IL15RA: variants seen among roughly 807,000 people sequenced by gnomAD.
IL15RA encodes interleukin 15 receptor subunit alpha, also known as interleukin-15 receptor subunit alpha.
Under a neutral mutation model 24.2 loss-of-function variants are expected in IL15RA, and 26 were observed. The ratio of observed to expected loss-of-function variants is 1.07; its 90% CI spans 0.79 to 1.49. IL15RA has a LOEUF of 1.49. Among genes scored for constraint, IL15RA ranks in the 40% most tolerant of loss-of-function variants. The pLI is 0.00. For synonymous variants in IL15RA, 166 were observed against 157.6 expected (o/e 1.05, Z -0.40); for missense variants, 354 against 356.4 (o/e 0.99, Z 0.05).
At position 5,958,320 on chromosome 10, in the gene IL15RA, CT is replaced by C. The variant is rs563108631; in HGVS notation, c.616+1433del. ...TTATACAGTCTCTCTGGAAGGATGC[CT>C]GGAAATCTGGTAGCAAGTGTTGCTT... On this transcript the variant is annotated intron_variant, in intron 5 of 6. Coordinates refer to ENST00000379977, the MANE Select transcript of IL15RA (RefSeq NM_002189.4). This position sits in a 1 kb window ranked among gnomAD's most constrained non-coding sequence, Gnocchi z 4.3. The C allele has an allele frequency of 2.6e-5, 12 of 453,580 alleles. No individual in the cohort carries two copies. The East Asian group carries it at 8.4e-4, about 32-fold the overall frequency. The allele number at this position is 453,580 out of a possible 1,614,324, so 28.1% of individuals were successfully genotyped here. A position where few individuals can be genotyped will look rare whatever the true frequency, so the allele number is the denominator to read the frequency against.
Position 5,962,696 on chromosome 10 carries a change from C to T in IL15RA, c.382+1047G>A, listed in dbSNP as rs923053727. ...AGGTGATGTCAGTGTGTACCCACGG[C>T]TGACAACTGACACTCCGCAAAGGAT... On this transcript the variant is annotated intron_variant, in intron 3 of 6. Transcript: ENST00000379977. The surrounding 1 kb of genome is among the most constrained non-coding windows in gnomAD (Gnocchi z 5.2). 7.2e-5 allele frequency among the ~76,000 whole-genome samples: 11 copies of T among 151,990 alleles called. No individual in the cohort carries two copies. Among genetic ancestry groups the T allele is most frequent in the African/African-American group, 1.7e-4 (7 of 41,356 alleles).
chr10:5,976,647 C>T (rs1040181008), intron 1 of IL15RA, among the ~76,000 whole-genome samples: 4 of 152,060 alleles, frequency 2.6e-5, no homozygotes, highest in Non-Finnish European at 4.4e-5. Context: ...CTCTGGCTGC[C>T]GGGACAAAAC....
chr10:5,970,019 T>A lies in IL15RA; in HGVS notation c.89-3680A>T, dbSNP rs140368130. 2.6e-3 allele frequency among the ~76,000 whole-genome samples: 395 copies of A among 152,344 alleles called. 3 individuals are homozygous for A. The highest frequency in any genetic ancestry group is 9.2e-3 in the African/African-American group (383 of 41,574). ...ATTTTTTGGTGTCTTGACTCTGTATTCTGCACCCTTGTAAACTCACTTATT... is the reference window on the plus strand; with the variant it reads ...ATTTTTTGGTGTCTTGACTCTGTATACTGCACCCTTGTAAACTCACTTATT... On this transcript the variant is annotated intron_variant, in intron 1 of 6. Coordinates refer to ENST00000379977, the MANE Select transcript of IL15RA (RefSeq NM_002189.4). The surrounding 1 kb of genome is among the most constrained non-coding windows in gnomAD (Gnocchi z 4.1).
Position 5,956,462 on chromosome 10 carries a change from G to A in IL15RA, c.617-8C>T, listed in dbSNP as rs774028981. The stretch of plus-strand genomic sequence containing the variant: ...TGGACGTGGAGATAGCCACTGAAAG[G>A]GAGGAGACCACGCTGAGATACCCAG... On this transcript the variant is annotated splice_polypyrimidine_tract_variant and splice_region_variant and intron_variant, in intron 5 of 6. Transcript: ENST00000379977. 19 of 1,609,050 alleles carry A rather than the reference G, an allele frequency of 1.2e-5. No homozygotes were observed. The highest frequency in any genetic ancestry group is 1.7e-4 in the Middle Eastern group (1 of 6,044).
In IL15RA at chr10:5,975,076, C is replaced by T. The variant is rs535014401; in HGVS notation, c.88+2329G>A. Among the ~76,000 whole-genome samples the T allele has an allele frequency of 1.3e-5, 2 of 151,766 alleles. No homozygotes were observed. Among genetic ancestry groups the T allele is most frequent in the South Asian group, 4.2e-4 (2 of 4,814 alleles). On this transcript the variant is annotated intron_variant, in intron 1 of 6. Transcript: ENST00000379977. This position sits in a 1 kb window ranked among gnomAD's most constrained non-coding sequence, Gnocchi z 4.8. ...TATAACACAGCCACTCTACTCCCAA[C>T]CATTCTCTACCCATGAGAAATGAAA...
At position 5,960,627 on chromosome 10, in the gene IL15RA, C is replaced by CTT. The variant is rs1248077220; in HGVS notation, c.383-61_383-60insAA. On this transcript the variant is annotated intron_variant, in intron 3 of 6. Coordinates refer to ENST00000379977, the MANE Select transcript of IL15RA (RefSeq NM_002189.4). The surrounding 1 kb of genome is among the most constrained non-coding windows in gnomAD (Gnocchi z 5.1). ...GTGCAGACTCCCCTCCTCTCAGCTG[C>CTT]AGCACGGGGTGATGTGGGAGCTGCC... 2.1e-6 allele frequency: 3 copies of CTT among 1,439,088 alleles called. No homozygotes were observed. The highest frequency in any genetic ancestry group is 2.9e-6 in the Non-Finnish European group (3 of 1,033,396). 89.1% of individuals were successfully genotyped at this position (1,439,088 alleles called of 1,614,324 possible).
intron 1 of IL15RA, 78 bp downstream of exon 1, chr10:5,977,327 G>C: frequency 6.0e-6 from 4 of 670,080 alleles, no homozygotes; most frequent in Non-Finnish European, 8.5e-6. Flanking sequence ...GGGGAGATGG[G>C]GCGCCCGGTT....
At position 5,967,068 on chromosome 10, in the gene IL15RA, G is replaced by A. The variant is rs1241652187; in HGVS notation, c.89-729C>T. ...CAGGCCCTGAATTTCTATTCTAATA[G>A]TTTTTAACTGGATCAAATTCTCCCA... On this transcript the variant is annotated intron_variant, in intron 1 of 6. Coordinates refer to ENST00000379977, the MANE Select transcript of IL15RA (RefSeq NM_002189.4). This position sits in a 1 kb window ranked among gnomAD's most constrained non-coding sequence, Gnocchi z 4.4. 6.6e-6 allele frequency among the ~76,000 whole-genome samples: 1 copy of A among 152,034 alleles called. No individual in the cohort carries two copies. The highest frequency in any genetic ancestry group is 1.5e-5 in the Non-Finnish European group (1 of 68,016).
chr10:5,968,957 C>G lies in IL15RA; in HGVS notation c.89-2618G>C, dbSNP rs1356501844. On this transcript the variant is annotated intron_variant, in intron 1 of 6. Coordinates refer to ENST00000379977, the MANE Select transcript of IL15RA (RefSeq NM_002189.4). The surrounding 1 kb of genome is among the most constrained non-coding windows in gnomAD (Gnocchi z 5.4). ...TAACAGGTTTTGTACAGGAAGTGTT[C>G]CCTGCCCATTTCCAGCAGCCGTGGA... is the stretch of plus-strand genomic sequence containing the variant. The G allele has an allele frequency of 1.3e-6, 2 of 1,535,050 alleles. No individual in the cohort carries two copies. The highest frequency in any genetic ancestry group is 1.7e-6 in the Non-Finnish European group (2 of 1,146,400).
chr10:5,976,421 G>A (rs1025613644), intron 1 of IL15RA, among the ~76,000 whole-genome samples: 3 of 152,170 alleles, frequency 2.0e-5, no homozygotes, highest in Admixed American at 2.0e-4. Flanking sequence ...ACAGATCATG[G>A]CGTTACTAAT....
Position 5,960,351 on chromosome 10 carries a change from C to CA in IL15RA, c.583+15dup. On this transcript the variant is annotated intron_variant, in intron 4 of 6. Transcript: ENST00000379977. The surrounding 1 kb of genome is among the most constrained non-coding windows in gnomAD (Gnocchi z 5.1). ...AATGGGGAACTGACCTCTCCTGGGG[C>CA]AAAGCGAGTGCTAACCTGGCGGCTG... 3.1e-6 allele frequency: 5 copies of CA among 1,613,004 alleles called. No individual in the cohort carries two copies. The highest frequency in any genetic ancestry group is 3.4e-6 in the Non-Finnish European group (4 of 1,179,058).
chr10:5,951,957 G>C (rs1833907416), downstream of IL15RA, among the ~76,000 whole-genome samples: 1 of 152,196 alleles, frequency 6.6e-6, no homozygotes, highest in Non-Finnish European at 1.5e-5. Context: ...ACTGCGCCCA[G>C]TGTCCCAGCT....
In IL15RA at chr10:5,960,567, T is replaced by A. The variant is rs1195721188; in HGVS notation, c.383A>T (p.Glu128Val). Residue 128 changes from glutamate to valine, a missense_variant and splice_region_variant, in exon 4 of 7, where the codon GAG (glutamate) becomes GTG (valine). By Grantham distance (121) the Glu-to-Val change is moderately radical. Coordinates refer to ENST00000379977, the MANE Select transcript of IL15RA (RefSeq NM_002189.4). This position sits in a 1 kb window ranked among gnomAD's most constrained non-coding sequence, Gnocchi z 5.1. ...QPESLSPSGK[E>V]PAASSPSSNN... ...TGAGCTGGGAGATGAAGCTGCGGGC[T>A]CTGTAGGAGAGTCCAAGGCAGGGAC... is the stretch of plus-strand genomic sequence containing the variant. 2 of 1,613,668 alleles carry A rather than the reference T, an allele frequency of 1.2e-6. No individual in the cohort carries two copies. The highest frequency in any genetic ancestry group is 1.1e-5 in the South Asian group (1 of 91,032).
chr10:5,956,107 C>T (rs1461244650), intron 6 of IL15RA, among the ~76,000 whole-genome samples: 13 of 152,004 alleles, frequency 8.6e-5, no homozygotes, highest in South Asian at 2.1e-4. Flanking sequence ...CTCCGCCTCC[C>T]GGGTTCAAGC....
In IL15RA at chr10:5,955,126, T is replaced by C. The variant is rs1210759385; in HGVS notation, c.692+1253A>G. Among the ~76,000 whole-genome samples the C allele has an allele frequency of 6.7e-6, 1 of 148,714 alleles. No individual in the cohort carries two copies. The highest frequency in any genetic ancestry group is 2.0e-4 in the East Asian group (1 of 5,084). On this transcript the variant is annotated intron_variant, in intron 6 of 6. Coordinates refer to ENST00000379977, the MANE Select transcript of IL15RA (RefSeq NM_002189.4). This position sits in a 1 kb window ranked among gnomAD's most constrained non-coding sequence, Gnocchi z 5.3. ...ATTTTTTTTTTTTTTTGAGATGGAG[T>C]TTTGCTCTTGTTGCCCAGGCTGGAG...
At chr10:5,969,644 G>T (rs1837262662) in intron 1 of IL15RA, among the ~76,000 whole-genome samples, 1 of 152,134 alleles carries the variant, frequency 6.6e-6, no homozygotes, top group Non-Finnish European at 1.5e-5. Flanking sequence ...GATTACAGGC[G>T]TGAGCCACCC....
rs1834948029 is a variant in IL15RA at position 5,958,639 on chromosome 10, GGCCTCCCAAACT to G, written c.616+1103_616+1114del. On this transcript the variant is annotated intron_variant, in intron 5 of 6. Transcript: ENST00000379977. This position sits in a 1 kb window ranked among gnomAD's most constrained non-coding sequence, Gnocchi z 4.3. ...TGGCCTCCAGTGATCAGCCCCCCTCGGCCTCCCAAACTGCTGGGATTATAGGTGTGAGCTACC... is the reference window on the plus strand; with the variant it reads ...TGGCCTCCAGTGATCAGCCCCCCTCGGCTGGGATTATAGGTGTGAGCTACC... 6.6e-6 allele frequency among the ~76,000 whole-genome samples: 1 copy of G among 152,090 alleles called. No homozygotes were observed. The highest frequency in any genetic ancestry group is 1.5e-5 in the Non-Finnish European group (1 of 68,022).
At position 5,953,334 on chromosome 10, in the gene IL15RA, G is replaced by T; in HGVS notation, c.693-128C>A. 1 of 743,688 alleles carries T rather than the reference G, an allele frequency of 1.3e-6. No individual in the cohort carries two copies. Among genetic ancestry groups the T allele is most frequent in the Non-Finnish European group, 2.5e-6 (1 of 407,462 alleles). The allele number at this position is 743,688 out of a possible 1,614,324, so 46.1% of individuals were successfully genotyped here. A position where few individuals can be genotyped will look rare whatever the true frequency, so the allele number is the denominator to read the frequency against. On this transcript the variant is annotated intron_variant, in intron 6 of 6. Transcript: ENST00000379977. The surrounding 1 kb of genome is among the most constrained non-coding windows in gnomAD (Gnocchi z 5.3). ...CAGGAGCAGACAGAGGCCCTGCCAC[G>T]GGAGTCAGACAGAGAGCACTTAGTC...
At position 5,966,144 on chromosome 10, in the gene IL15RA, C is replaced by T; in HGVS notation, c.283+1G>A. ...AAGGTGGGGTGGCAAGGGCTACTCA[C>T]TAATGCATTTGAGACTGGGGGTTGT... is the stretch of plus-strand genomic sequence containing the variant. On this transcript the variant is annotated splice_donor_variant, in intron 2 of 6. Coordinates refer to ENST00000379977, the MANE Select transcript of IL15RA (RefSeq NM_002189.4). LOFTEE classifies it high-confidence loss of function. The surrounding 1 kb of genome is among the most constrained non-coding windows in gnomAD (Gnocchi z 6.4). The T allele has an allele frequency of 2.5e-6, 4 of 1,604,286 alleles. No homozygotes were observed. The highest frequency in any genetic ancestry group is 3.4e-6 in the Non-Finnish European group (4 of 1,171,664).
Sources: gnomAD v4.1 joint callset for allele counts (sites outside exome capture counted in the v4.1 genomes callset) on GRCh38, gnomAD v4.1.1 for gene constraint, Gnocchi (gnomAD v3.1) non-coding constraint, MANE v1.5 for transcripts, NCBI Gene and HGNC (gene_info 2026-07-23, HGNC 2026-07-21) for gene names.